NAT10: variants seen among roughly 807,000 people sequenced by gnomAD.
NAT10 encodes N-acetyltransferase 10, also known as RNA cytidine acetyltransferase.
NAT10 carries 109 observed loss-of-function variants against 132.2 expected under a neutral mutation model. The ratio of observed to expected loss-of-function variants is 0.82; its 90% CI spans 0.71 to 0.97. The LOEUF (loss-of-function observed/expected upper bound fraction) is 0.97, where lower values mean the gene tolerates loss of function less well. Ranked by LOEUF, NAT10 falls within the 50% of genes least tolerant of loss-of-function variation. NAT10 has a pLI of 0.00. For synonymous variants in NAT10, 479 were observed against 478.0 expected (o/e 1.00, Z -0.03); for missense variants, 1,184 against 1,263.4 (o/e 0.94, Z 0.95).
chr11:34,108,156 A>C, intron 1 of NAT10, 55 bp from the exon 2 acceptor site: 1 of 1,233,662 alleles, frequency 8.1e-7, no homozygotes, highest in Middle Eastern at 1.9e-4. Context: ...GCAGCCAGCT[A>C]ATGTTCCTTA....
At chr11:34,122,349 C>A in intron 8 of NAT10, 110 bp from the exon 9 acceptor site, 1 of 1,401,576 alleles carries the variant, frequency 7.1e-7, no homozygotes, top group Non-Finnish European at 9.9e-7. Context: ...CAAGAACTGC[C>A]GCCCTCTTAT....
chr11:34,119,218 G>A (rs993150569), intron 8 of NAT10, among the ~76,000 whole-genome samples: 3 of 152,224 alleles, frequency 2.0e-5, no homozygotes, highest in African/African-American at 7.2e-5. Context: ...TTCTCTGGTG[G>A]TTCCTGGGCC....
At chr11:34,140,345 A>C in intron 23 of NAT10, 55 bp from the exon 24 acceptor site, 1 of 1,544,314 alleles carries the variant, frequency 6.5e-7, no homozygotes, top group Non-Finnish European at 8.9e-7. Context: ...GCTGTGTGCT[A>C]TCTCATGAGG....
At chr11:34,114,806 A>G (rs1851756680) in intron 5 of NAT10, among the ~76,000 whole-genome samples, 4 of 152,150 alleles carry the variant, frequency 2.6e-5, no homozygotes, top group Admixed American at 2.6e-4. Flanking sequence ...AGCACTTGAC[A>G]ATGACCTAAA....
Position 34,132,165 on chromosome 11 carries a change from G to A in NAT10, c.1561G>A (p.Ala521Thr), listed in dbSNP as rs1025136845. The change falls in exon 15 of 29, where the codon GCC becomes ACC. Residue 521 changes from alanine to threonine, a missense_variant. Transcript: ENST00000257829. Reference protein sequence around the residue: ...NRDTLFCYHKASEVFLQRLMA... With the variant: ...NRDTLFCYHKTSEVFLQRLMA... Reference sequence around the variant, plus strand: ...AGATACCCTCTTTTGCTACCACAAGGCCTCTGAAGTTTTCCTCCAACGGCT... The same window carrying A: ...AGATACCCTCTTTTGCTACCACAAGACCTCTGAAGTTTTCCTCCAACGGCT... 2 of 1,613,994 alleles carry A rather than the reference G, an allele frequency of 1.2e-6. No individual in the cohort carries two copies. The highest frequency in any genetic ancestry group is 2.7e-5 in the African/African-American group (2 of 74,900).
chr11:34,115,898 T>TC lies in NAT10; in HGVS notation c.557+20dup. ...ATTTAATGAAAGGTAATTCTATAGT[T>TC]CCCCCCAATTGTGGGGCAGCCACAT... is the stretch of plus-strand genomic sequence containing the variant. On this transcript the variant is annotated intron_variant, in intron 6 of 28. Transcript: ENST00000257829. 2 of 1,613,410 alleles carry TC rather than the reference T, an allele frequency of 1.2e-6. No individual in the cohort carries two copies. Among genetic ancestry groups the TC allele is most frequent in the Non-Finnish European group, 1.7e-6 (2 of 1,179,674 alleles).
chr11:34,112,192 T>G lies in NAT10; in HGVS notation c.341T>G (p.Leu114Arg), dbSNP rs1212688072. 1.2e-6 allele frequency: 2 copies of G among 1,614,260 alleles called. No homozygotes were observed. Among genetic ancestry groups the G allele is most frequent in the Admixed American group, 1.7e-5 (1 of 60,036 alleles). Residue 114 changes from leucine to arginine, a missense_variant, in exon 4 of 29, where the codon CTG (leucine) becomes CGG (arginine). Leu to Arg is a moderately radical substitution (Grantham distance 102, BLOSUM62 -2). Transcript: ENST00000257829. Reference sequence around the variant, plus strand: ...TACTACAACGAGACCCACAAGATCCTGGGCAATACCTTCGGCATGTGTGTG... The same window carrying G: ...TACTACAACGAGACCCACAAGATCCGGGGCAATACCTTCGGCATGTGTGTG... ...YCYYNETHKI[L>R]GNTFGMCVLQ... is the part of the protein sequence containing the mutation.
In NAT10 at chr11:34,115,791, C is replaced by T. The variant is rs754573695; in HGVS notation, c.496-32C>T. The T allele has an allele frequency of 3.7e-6, 6 of 1,611,886 alleles. No homozygotes were observed. In the Admixed American group the frequency reaches 1.0e-4, roughly 27 times the overall value. On this transcript the variant is annotated intron_variant, in intron 5 of 28. Transcript: ENST00000257829. ...CTGGTCCTCAGCACTGTTTGCATGC[C>T]TTTGTTAATGGATGTTGTCTTTCTT...
rs921830071 is a variant in NAT10 at position 34,110,216 on chromosome 11, G to A, written c.200+1383G>A. ...CTGGCTTGTGCGATTCTGTCCTTGA[G>A]CCTCTTCTAATTTCCAAATGTGCTC... On this transcript the variant is annotated intron_variant, in intron 3 of 28. Transcript: ENST00000257829. Among the ~76,000 whole-genome samples, 4 of 151,986 alleles carry A rather than the reference G, an allele frequency of 2.6e-5. No homozygotes were observed. The East Asian group carries it at 7.7e-4, about 29-fold the overall frequency.
Position 34,133,007 on chromosome 11 carries a change from C to A in NAT10, c.1618-19C>A. The A allele has an allele frequency of 6.3e-7, 1 of 1,595,274 alleles. No individual in the cohort carries two copies. Among genetic ancestry groups the A allele is most frequent in the Non-Finnish European group, 8.6e-7 (1 of 1,162,944 alleles). ...AAGAGGAAGAGTGCTTCTCACTGAC[C>A]CGTGTTTGGCTTCCACAGAACTCTC... On this transcript the variant is annotated intron_variant, in intron 15 of 28. Coordinates refer to ENST00000257829, the MANE Select transcript of NAT10 (RefSeq NM_024662.3).
intron 15 of NAT10, among the ~76,000 whole-genome samples, chr11:34,132,491 GT>G (rs1238501981): frequency 7.1e-6 from 1 of 141,038 alleles, no homozygotes; most frequent in Non-Finnish European, 1.7e-5. Context: ...TGACATTGCA[GT>G]TGTGGCCCGG....
intron 18 of NAT10, 47 bp from the exon 19 acceptor site, chr11:34,135,128 G>T: frequency 1.3e-6 from 2 of 1,488,660 alleles, no homozygotes; most frequent in South Asian, 1.1e-5. Flanking sequence ...CTTAGACTGA[G>T]AGCAGCTCTC....
At chr11:34,138,921 C>T in intron 21 of NAT10, 2 of 420,982 alleles carry the variant, frequency 4.8e-6, no homozygotes, top group Non-Finnish European at 8.7e-6. Flanking sequence ...GAGGCAGGCC[C>T]AGAAGAGCCA....
At chr11:34,113,366 G>A (rs79598611) in intron 4 of NAT10, among the ~76,000 whole-genome samples, 2,541 of 152,156 alleles carry the variant, frequency 0.017, 50 homozygotes, top group African/African-American at 0.058. Flanking sequence ...ATAAAACCAG[G>A]TATTCGTATA....
intron 11 of NAT10, among the ~76,000 whole-genome samples, chr11:34,125,112 T>TG: frequency 6.6e-6 from 1 of 152,372 alleles, no homozygotes; most frequent in Non-Finnish European, 1.5e-5. Flanking sequence ...GTCAAGAAGT[T>TG]ATACCTTTTT....
chr11:34,109,394 C>T (rs772450180), intron 3 of NAT10, among the ~76,000 whole-genome samples: 3 of 152,164 alleles, frequency 2.0e-5, no homozygotes, highest in South Asian at 2.1e-4. Flanking sequence ...GCATTTCCCC[C>T]GATTTTTATT....
At position 34,141,194 on chromosome 11, in the gene NAT10, C is replaced by T. The variant is rs375005009; in HGVS notation, c.2698C>T (p.Arg900Cys). 2.5e-5 allele frequency: 40 copies of T among 1,613,820 alleles called. No homozygotes were observed. Among genetic ancestry groups the T allele is most frequent in the African/African-American group, 4.0e-5 (3 of 74,816 alleles). Reference protein sequence around the residue: ...QLMGLFNRIIRKVVKLFNEVQ... With the variant: ...QLMGLFNRIICKVVKLFNEVQ... ...GATGGGACTTTTCAACCGGATCATC[C>T]GCAAAGTTGTGAAGGTAACCTCAGC... The change falls in exon 25 of 29, where the codon CGC (arginine) becomes TGC (cysteine). Residue 900 changes from arginine (R) to cysteine (C), a missense_variant. Physicochemically the swap from Arg to Cys is radical, Grantham distance 180 (BLOSUM62 -3). Coordinates refer to ENST00000257829, the MANE Select transcript of NAT10 (RefSeq NM_024662.3).
At chr11:34,115,722 C>T in intron 5 of NAT10, 101 bp from the exon 6 acceptor site, 1 of 1,167,556 alleles carries the variant, frequency 8.6e-7, no homozygotes. Flanking sequence ...TTGTTTCCAG[C>T]AAGATTGCCC....
At chr11:34,124,256 C>T (rs1291779700) in intron 10 of NAT10, 46 bp from the exon 11 acceptor site, 2 of 1,303,664 alleles carry the variant, frequency 1.5e-6, no homozygotes, top group African/African-American at 2.9e-5. Flanking sequence ...TATTTAGTTT[C>T]TGAAACTTGT....
Sources: gnomAD v4.1 joint callset for allele counts (sites outside exome capture counted in the v4.1 genomes callset) on GRCh38, gnomAD v4.1.1 for gene constraint, MANE v1.5 for transcripts, NCBI Gene and HGNC (gene_info 2026-07-23, HGNC 2026-07-21) for gene names.